STX12: variants seen among roughly 807,000 people sequenced by gnomAD.
The protein encoded by STX12 is syntaxin 12.
STX12 carries 17 observed loss-of-function variants against 42.2 expected under a neutral mutation model. The ratio of observed to expected loss-of-function variants is 0.40; its 90% confidence interval spans 0.28 to 0.60. STX12 has a LOEUF of 0.60. Among genes scored for constraint, STX12 ranks in the 20% least tolerant of loss-of-function variants. The probability of loss-of-function intolerance (pLI) is 0.39; values close to 1 mark genes in which losing one functional copy is unlikely to be tolerated. For missense variants in STX12, 297 were observed against 330.9 expected, an observed-to-expected ratio of 0.90 and a Z score of 0.79; for synonymous variants, 108 against 116.7, an observed-to-expected ratio of 0.93 and a Z score of 0.48.
chr1:27,785,432 A>G (rs1260502256), intron 1 of STX12, among the ~76,000 whole-genome samples: 2 of 152,248 alleles, frequency 1.3e-5, no homozygotes, highest in Non-Finnish European at 2.9e-5. Context: ...ACACAGCATA[A>G]TTCTTTGACT....
intron 1 of STX12, among the ~76,000 whole-genome samples, chr1:27,786,204 C>T (rs1343061687): frequency 6.6e-6 from 1 of 152,200 alleles, no homozygotes; most frequent in Non-Finnish European, 1.5e-5. Flanking sequence ...CCTTGGCCAC[C>T]TCTCTGCTGT....
chr1:27,800,275 C>T (rs747343895), intron 3 of STX12, among the ~76,000 whole-genome samples: 15 of 152,124 alleles, frequency 9.9e-5, no homozygotes, highest in Non-Finnish European at 2.1e-4. Flanking sequence ...CTTCACTGTC[C>T]ACCTTCTCTT....
At chr1:27,801,328 G>A (rs1004936848) in intron 3 of STX12, among the ~76,000 whole-genome samples, 8 of 151,986 alleles carry the variant, frequency 5.3e-5, no homozygotes, top group South Asian at 2.1e-4. Context: ...GCTTGAACAC[G>A]GGCGGCAGAG....
At chr1:27,780,763 G>C (rs1402535842) in intron 1 of STX12, among the ~76,000 whole-genome samples, 30 of 151,944 alleles carry the variant, frequency 2.0e-4, no homozygotes, top group African/African-American at 6.3e-4. Flanking sequence ...ACCAGCCTGG[G>C]CAACTTGGCG....
chr1:27,803,362 ATTGACAG>A (rs938842775), intron 4 of STX12, among the ~76,000 whole-genome samples: 2 of 152,226 alleles, frequency 1.3e-5, no homozygotes, highest in African/African-American at 4.8e-5. Context: ...CAATAGTTAG[ATTGACAG>A]TTGACTTCTC....
intron 5 of STX12, among the ~76,000 whole-genome samples, chr1:27,810,625 T>C (rs899833738): frequency 2.6e-5 from 4 of 152,206 alleles, no homozygotes; most frequent in African/African-American, 4.8e-5. Context: ...AATGCAGATT[T>C]AAACCCATCA....
intron 4 of STX12, among the ~76,000 whole-genome samples, chr1:27,805,080 A>G (rs1312795442): frequency 6.6e-6 from 1 of 152,074 alleles, no homozygotes; most frequent in African/African-American, 2.4e-5. Flanking sequence ...CAAGGGGAAA[A>G]CTGTCCCCAT....
At chr1:27,791,652 A>G (rs1006982768) in intron 2 of STX12, among the ~76,000 whole-genome samples, 5 of 151,988 alleles carry the variant, frequency 3.3e-5, no homozygotes, top group Non-Finnish European at 7.4e-5. Context: ...TGTCTCTACT[A>G]AAAATACAAA....
At position 27,811,925 on chromosome 1, in the gene STX12, G is replaced by T. The variant is rs143721241; in HGVS notation, c.471-238G>T. 16 of 592,150 alleles carry T rather than the reference G, an allele frequency of 2.7e-5. No individual in the cohort carries two copies. The East Asian group carries it at 6.2e-4, about 23-fold the overall frequency. 36.7% of individuals were successfully genotyped at this position (592,150 alleles called of 1,614,324 possible). ...ATGGAAACAGCCAGGAGTCCCATCC[G>T]TCATAATTCTGCCACATGTCAGCTT... On this transcript the variant is annotated intron_variant, in intron 5 of 8. Coordinates refer to ENST00000373943, the MANE Select transcript of STX12 (RefSeq NM_177424.3).
intron 5 of STX12, among the ~76,000 whole-genome samples, chr1:27,811,760 T>A (rs148961996): frequency 5.9e-5 from 9 of 152,266 alleles, no homozygotes; most frequent in Non-Finnish European, 1.2e-4. Context: ...CTCCACCCAC[T>A]TAGTACTGAA....
At chr1:27,821,094 CCAG>C (rs2088980473) in intron 8 of STX12, among the ~76,000 whole-genome samples, 2 of 150,428 alleles carry the variant, frequency 1.3e-5, no homozygotes, top group South Asian at 4.2e-4. Flanking sequence ...GTGCAGCACA[CCAG>C]CATGGCACAT....
At chr1:27,801,213 A>G (rs2088825435) in intron 3 of STX12, among the ~76,000 whole-genome samples, 1 of 152,192 alleles carries the variant, frequency 6.6e-6, no homozygotes, top group Non-Finnish European at 1.5e-5. Flanking sequence ...AGCCCGGCCA[A>G]CATGGCGAAA....
chr1:27,796,338 A>C (rs936163791), intron 3 of STX12, among the ~76,000 whole-genome samples: 1 of 152,116 alleles, frequency 6.6e-6, no homozygotes, highest in Non-Finnish European at 1.5e-5. Flanking sequence ...CTTATATACT[A>C]TCATCAATGA....
chr1:27,806,054 T>C (rs2088860892), intron 4 of STX12, among the ~76,000 whole-genome samples: 1 of 152,218 alleles, frequency 6.6e-6, no homozygotes, highest in Non-Finnish European at 1.5e-5. Context: ...TATGCAGCTC[T>C]TCCAAATGTC....
intron 8 of STX12, among the ~76,000 whole-genome samples, chr1:27,820,572 T>C (rs2088977257): frequency 6.6e-6 from 1 of 152,228 alleles, no homozygotes; most frequent in African/African-American, 2.4e-5. Flanking sequence ...GTTTTAGACA[T>C]GAAGTCCTTG....
At chr1:27,783,275 C>CT (rs1446637271) in intron 1 of STX12, among the ~76,000 whole-genome samples, 2 of 152,116 alleles carry the variant, frequency 1.3e-5, no homozygotes, top group Non-Finnish European at 1.5e-5. Flanking sequence ...CCAGGATATG[C>CT]TTTTTTAAAA....
chr1:27,789,774 G>C, intron 2 of STX12, 143 bp downstream of exon 2: 1 of 613,420 alleles, frequency 1.6e-6, no homozygotes, highest in East Asian at 2.9e-5. Context: ...ATCTAAAAGA[G>C]GGGCGGGGCA....
At chr1:27,791,868 C>T (rs925586758) in intron 2 of STX12, among the ~76,000 whole-genome samples, 1 of 151,418 alleles carries the variant, frequency 6.6e-6, no homozygotes, top group African/African-American at 2.4e-5. Context: ...CCTGTAGTCA[C>T]AGCTGCTTGG....
At chr1:27,809,849 G>A (rs920147095) in intron 4 of STX12, 1 of 157,642 alleles carries the variant, frequency 6.3e-6, no homozygotes, top group East Asian at 1.8e-4. Context: ...ACTGATTTTT[G>A]AAGTGAATCT....
Sources: gnomAD v4.1 joint callset for allele counts (sites outside exome capture counted in the v4.1 genomes callset) on GRCh38, gnomAD v4.1.1 for gene constraint, MANE v1.5 for transcripts, NCBI Gene and HGNC (gene_info 2026-07-23, HGNC 2026-07-21) for gene names.